BCAR1: variants seen among roughly 807,000 people sequenced by gnomAD.
BCAR1 encodes the protein breast cancer anti-estrogen resistance protein 1.
A neutral mutation model predicts 67.6 loss-of-function variants in BCAR1; 30 were observed. That is an observed-to-expected ratio of 0.44 (90% confidence interval 0.33 to 0.60). The LOEUF is 0.60. Among genes scored for constraint, BCAR1 ranks in the 20% least tolerant of loss-of-function variants. The pLI, the probability that BCAR1 is intolerant of heterozygous loss-of-function variation, is 0.02. For synonymous variants in BCAR1, 626 were observed against 556.7 expected (o/e 1.12, Z -1.75); for missense variants, 1,313 against 1,222.3 (o/e 1.07, Z -1.11).
intron 1 of BCAR1, among the ~76,000 whole-genome samples, chr16:75,244,740 G>T (rs976923850): frequency 1.3e-5 from 2 of 152,218 alleles, no homozygotes; most frequent in African/African-American, 4.8e-5. Context: ...GCTAGGAGAG[G>T]GCAGGCCCAG....
At position 75,247,907 on chromosome 16, in the gene BCAR1, G is replaced by A. The variant is rs560490681; in HGVS notation, c.12+3564C>T. ...GCCCAAGACCCCAGGGTTGGGGGCA[G>A]ACAAGGAAATGGGTAATAGTGCCAC... On this transcript the variant is annotated intron_variant, in intron 1 of 6. Coordinates refer to ENST00000162330, the MANE Select transcript of BCAR1 (RefSeq NM_014567.5). 155 of 716,262 alleles carry A rather than the reference G, an allele frequency of 2.2e-4. No homozygotes were observed. In the African/African-American group the frequency reaches 2.5e-3, roughly 11 times the overall value. 44.4% of individuals were successfully genotyped at this position (716,262 alleles called of 1,614,324 possible). A position where few individuals can be genotyped will look rare whatever the true frequency, so the allele number is the denominator to read the frequency against.
chr16:75,244,500 G>C (rs973094674), intron 1 of BCAR1, among the ~76,000 whole-genome samples: 18 of 152,258 alleles, frequency 1.2e-4, no homozygotes, highest in African/African-American at 4.3e-4. Flanking sequence ...CATCTCCCTG[G>C]CCGGCATCAG....
At position 75,235,022 on chromosome 16, in the gene BCAR1, G is replaced by C. The variant is rs767423879; in HGVS notation, c.1877C>G (p.Thr626Ser). ...TGACTGGATGCTGCTGGTCTTGTCA[G>C]TGGGGTTGGGGTGCAGGGTGCCACC... Reference protein sequence around the residue: ...EGGGTLHPNPTDKTSSIQSRP... With the variant: ...EGGGTLHPNPSDKTSSIQSRP... The change falls in exon 5 of 7, where the codon ACT (threonine) becomes AGT (serine). Residue 626 changes from threonine (T) to serine (S), a missense_variant. Transcript: ENST00000162330. The C allele has an allele frequency of 1.9e-6, 3 of 1,613,178 alleles. No homozygotes were observed. Among genetic ancestry groups the C allele is most frequent in the Admixed American group, 3.3e-5 (2 of 60,006 alleles).
chr16:75,239,078 T>A, intron 2 of BCAR1: 1 of 985,296 alleles, frequency 1.0e-6, no homozygotes, highest in Non-Finnish European at 1.2e-6. Flanking sequence ...CTGAGTCGGG[T>A]GGCAGTAGGC....
At chr16:75,236,609 G>C in intron 4 of BCAR1, 1 of 523,766 alleles carries the variant, frequency 1.9e-6, no homozygotes, top group Non-Finnish European at 3.2e-6. Flanking sequence ...AAGTATCCCA[G>C]GTGAGATGAC....
At position 75,228,351 on chromosome 16, in the gene BCAR1, G is replaced by A. The variant is rs1339390731; in HGVS notation, c.*1160C>T. 1 of 152,182 alleles carries A rather than the reference G, an allele frequency of 6.6e-6. No individual in the cohort carries two copies. Among genetic ancestry groups the A allele is most frequent in the East Asian group, 1.9e-4 (1 of 5,172 alleles). The allele number at this position is 152,182 out of a possible 1,614,324, so 9.4% of individuals were successfully genotyped here. ...CCCTACTCCCTTCTTCATACAGATG[G>A]GGAAACCAAGGCCCATGTTCATATG... On this transcript the variant is annotated 3_prime_UTR_variant, in exon 7 of 7. Coordinates refer to ENST00000162330, the MANE Select transcript of BCAR1 (RefSeq NM_014567.5).
chr16:75,260,901 C>T (rs944782102), intron 1 of BCAR1, among the ~76,000 whole-genome samples: 10 of 152,186 alleles, frequency 6.6e-5, no homozygotes, highest in African/African-American at 2.4e-4. Flanking sequence ...CCTCCTTCCC[C>T]ATACATTACA....
At position 75,235,301 on chromosome 16, in the gene BCAR1, G is replaced by C. The variant is rs769939449; in HGVS notation, c.1598C>G (p.Ser533Cys). Residue 533 changes from serine to cysteine, a missense_variant, in exon 5 of 7, where the codon TCT becomes TGT. Around this residue, in one of 2 missense-constraint regions of BCAR1, gnomAD observed 1,272 missense variants for 1,137.5 expected, o/e 1.12. Transcript: ENST00000162330. ...RSAVGNAAHT[S>C]DRALHAKLSR... ...AAGCTTGGCATGCAGGGCACGGTCA[G>C]ATGTGTGGGCAGCATTGCCCACCGC... 1.0e-5 allele frequency: 16 copies of C among 1,605,738 alleles called. 1 individual carries two copies. The South Asian group carries it at 1.8e-4, about 18-fold the overall frequency.
chr16:75,238,296 C>A lies in BCAR1; in HGVS notation c.634-952G>T, dbSNP rs2077213487. The A allele has an allele frequency of 2.8e-5, 32 of 1,152,508 alleles. No homozygotes were observed. The South Asian group carries it at 5.3e-4, about 19-fold the overall frequency. 71.4% of individuals were successfully genotyped at this position (1,152,508 alleles called of 1,614,324 possible). Reference sequence around the variant, plus strand: ...TGGGATTCTCCAGCCCCCGGGCACACTGCGCCCACACGCCTCCACCACCAG... The same window carrying A: ...TGGGATTCTCCAGCCCCCGGGCACAATGCGCCCACACGCCTCCACCACCAG... On this transcript the variant is annotated intron_variant, in intron 2 of 6. Transcript: ENST00000162330.
chr16:75,237,961 G>T, intron 2 of BCAR1: 1 of 1,124,946 alleles, frequency 8.9e-7, no homozygotes, highest in Non-Finnish European at 1.2e-6. Context: ...TGGGACCAAG[G>T]CCCCCTCCCT....
chr16:75,249,897 G>T, intron 1 of BCAR1: 1 of 152,452 alleles, frequency 6.6e-6, no homozygotes. Context: ...GGCCATGCCA[G>T]AAGACGAGGT....
rs1041570690 is a variant in BCAR1 at position 75,238,409 on chromosome 16, G to C, written c.634-1065C>G. The C allele has an allele frequency of 5.1e-5, 54 of 1,062,300 alleles. No individual in the cohort carries two copies. In the African/African-American group the frequency reaches 8.4e-4, roughly 17 times the overall value. The allele number at this position is 1,062,300 out of a possible 1,614,324, so 65.8% of individuals were successfully genotyped here. ...GACAGGGTTGACTCAGGGCCTCCCCGCACATCCCCCAGGGCAGCAGCGCCA... is the reference window on the plus strand; with the variant it reads ...GACAGGGTTGACTCAGGGCCTCCCCCCACATCCCCCAGGGCAGCAGCGCCA... On this transcript the variant is annotated intron_variant, in intron 2 of 6. Transcript: ENST00000162330.
chr16:75,250,883 G>C, intron 1 of BCAR1: 1 of 985,526 alleles, frequency 1.0e-6, no homozygotes, highest in Non-Finnish European at 1.2e-6. Context: ...CAAAGCCCGC[G>C]GCGCGCCCGC....
Position 75,251,524 on chromosome 16 carries a change from A to AC in BCAR1, c.-43dup. On this transcript the variant is annotated 5_prime_UTR_variant, in exon 1 of 7. Coordinates refer to ENST00000162330, the MANE Select transcript of BCAR1 (RefSeq NM_014567.5). ...GGGGCCCCGGCTCTCGCGGGGGCGCACACCGAGCTGCCCGGGCCGCGTGCC... is the reference window on the plus strand; with the variant it reads ...GGGGCCCCGGCTCTCGCGGGGGCGCACCACCGAGCTGCCCGGGCCGCGTGCC... 3.1e-6 allele frequency: 4 copies of AC among 1,280,346 alleles called. No homozygotes were observed. Among genetic ancestry groups the AC allele is most frequent in the Non-Finnish European group, 4.0e-6 (4 of 1,012,286 alleles). 79.3% of individuals were successfully genotyped at this position (1,280,346 alleles called of 1,614,324 possible).
At chr16:75,258,548 G>A (rs1429451260) in intron 1 of BCAR1, among the ~76,000 whole-genome samples, 2 of 152,220 alleles carry the variant, frequency 1.3e-5, no homozygotes, top group Non-Finnish European at 1.5e-5. Flanking sequence ...GGGCACAAAC[G>A]TAAACGCTTG....
rs1445797499 is a variant in BCAR1, at chr16:75,265,421, G to A, written c.66+2494C>T. Among the ~76,000 whole-genome samples, 2 of 152,182 alleles carry A rather than the reference G, an allele frequency of 1.3e-5. 1 individual carries two copies. Among genetic ancestry groups the A allele is most frequent in the Admixed American group, 1.3e-4 (2 of 15,288 alleles). The stretch of plus-strand genomic sequence containing the variant: ...CCTCATCCGGCCCAGCAGTCCCGGA[G>A]GGGAGTCGCGGGAGCGGCAGAGACC... On this transcript the variant is annotated intron_variant, in intron 1 of 6. Transcript: ENST00000393422.
At chr16:75,230,846 G>T (rs2076877381) in intron 6 of BCAR1, among the ~76,000 whole-genome samples, 1 of 152,152 alleles carries the variant, frequency 6.6e-6, no homozygotes, top group Non-Finnish European at 1.5e-5. Flanking sequence ...CCATCTCTCC[G>T]TTCCCTTAGC....
chr16:75,234,247 A>G (rs2077017430), intron 5 of BCAR1, among the ~76,000 whole-genome samples: 1 of 151,498 alleles, frequency 6.6e-6, no homozygotes, highest in Non-Finnish European at 1.5e-5. Context: ...CCAGGCTGGC[A>G]CATGCGGGGA....
upstream of BCAR1, chr16:75,251,648 G>C (rs1335252149): frequency 5.7e-5 from 57 of 998,126 alleles, no homozygotes; most frequent in South Asian, 1.4e-4. Context: ...CTGCCGCCAC[G>C]GCCCAGCCGG....
Sources: gnomAD v4.1 joint callset for allele counts (sites outside exome capture counted in the v4.1 genomes callset) on GRCh38, gnomAD v4.1.1 for gene constraint, gnomAD v4.1.1 regional missense constraint, MANE v1.5 for transcripts, NCBI Gene and HGNC (gene_info 2026-07-23, HGNC 2026-07-21) for gene names.